SLC9A7: variants seen among roughly 807,000 people sequenced by gnomAD.
SLC9A7 encodes the protein solute carrier family 9 member A7, also known as sodium/hydrogen exchanger 7.
A neutral mutation model predicts 52.6 loss-of-function variants in SLC9A7; 19 were observed. The observed-to-expected ratio is 0.36, with a 90% CI of 0.25 to 0.53. The LOEUF is 0.53. SLC9A7 is among the 20% of genes least tolerant of loss of function. The pLI is 0.91. For missense variants in SLC9A7, 455 were observed against 597.9 expected (o/e 0.76, Z 2.49); for synonymous variants, 226 against 252.1 (o/e 0.90, Z 0.98).
At chrX:46,672,750 A>ACTT in intron 3 of SLC9A7, 123 bp from the exon 4 acceptor site, 1 of 487,595 alleles carries the variant, frequency 2.1e-6, no homozygotes, top group Non-Finnish European at 3.5e-6. Context: ...ACATCAAGTA[A>ACTT]CAACTGAAGT....
chrX:46,704,195 G>C (rs1251102278), intron 1 of SLC9A7, among the ~76,000 whole-genome samples: 4 of 110,778 alleles, frequency 3.6e-5, no homozygotes, highest in African/African-American at 1.3e-4. Flanking sequence ...TCTTTTCCCT[G>C]TGCTGTCGTT....
chrX:46,604,997 T>G lies in SLC9A7; in HGVS notation c.*1955A>C, dbSNP rs1942718282. On this transcript the variant is annotated 3_prime_UTR_variant, in exon 17 of 17. Coordinates refer to ENST00000616978, the MANE Select transcript of SLC9A7 (RefSeq NM_001257291.2). ...TTTTGTCTTCCATCATAAGAAAAAC[T>G]GGCCAGTATGGTGAAACCCCGTCTC... The G allele has an allele frequency of 9.1e-6, 1 of 110,433 alleles. No homozygotes were observed. The highest frequency in any genetic ancestry group is 3.3e-5 in the African/African-American group (1 of 30,327). The allele number at this position is 110,433 out of a possible 1,213,427, so 9.1% of individuals were successfully genotyped here. A position where few individuals can be genotyped will look rare whatever the true frequency, so the allele number is the denominator to read the frequency against.
intron 1 of SLC9A7, among the ~76,000 whole-genome samples, chrX:46,709,873 T>C (rs141264082): frequency 1.7e-3 from 191 of 112,312 alleles, no homozygotes; most frequent in African/African-American, 5.8e-3. Flanking sequence ...TGGGTGTTGA[T>C]GGCACTCTAG....
chrX:46,615,330 C>T (rs756508108), intron 15 of SLC9A7, among the ~76,000 whole-genome samples: 20 of 112,230 alleles, frequency 1.8e-4, no homozygotes, highest in African/African-American at 6.5e-4. Flanking sequence ...CGTGAGCCAA[C>T]GCGCCCGGCC....
intron 1 of SLC9A7, among the ~76,000 whole-genome samples, chrX:46,698,966 C>T (rs1944489299): frequency 9.0e-6 from 1 of 111,276 alleles, no homozygotes; most frequent in African/African-American, 3.3e-5. Flanking sequence ...AAAGAAATAA[C>T]CTGAGTCAAT....
intron 14 of SLC9A7, among the ~76,000 whole-genome samples, chrX:46,623,040 A>G (rs1943070744): frequency 8.9e-6 from 1 of 112,664 alleles, no homozygotes; most frequent in South Asian, 3.6e-4. Flanking sequence ...TGCCAGAAGC[A>G]TGATTAGGTA....
At chrX:46,716,148 A>G (rs1257004362) in intron 1 of SLC9A7, among the ~76,000 whole-genome samples, 3 of 111,180 alleles carry the variant, frequency 2.7e-5, no homozygotes, top group Non-Finnish European at 5.6e-5. Context: ...CTGAAGACTG[A>G]AGGAGTGACT....
intron 1 of SLC9A7, among the ~76,000 whole-genome samples, chrX:46,733,312 C>T (rs907333589): frequency 1.8e-5 from 2 of 111,815 alleles, no homozygotes; most frequent in African/African-American, 6.5e-5. Context: ...CTATTTGCTG[C>T]TATCCATAGC....
chrX:46,732,864 C>A (rs1335830787), intron 1 of SLC9A7, among the ~76,000 whole-genome samples: 1 of 111,719 alleles, frequency 9.0e-6, no homozygotes, highest in Non-Finnish European at 1.9e-5. Context: ...TACATCCAAA[C>A]AATAGAATAC....
chrX:46,679,861 A>G (rs948998546), intron 2 of SLC9A7, 106 bp from the exon 3 acceptor site: 1 of 513,186 alleles, frequency 1.9e-6, no homozygotes, highest in Non-Finnish European at 3.3e-6. Flanking sequence ...GAATATTTAG[A>G]GCAAACAACA....
At chrX:46,706,883 G>A (rs1944613282) in intron 1 of SLC9A7, among the ~76,000 whole-genome samples, 1 of 111,401 alleles carries the variant, frequency 9.0e-6, no homozygotes, top group African/African-American at 3.3e-5. Flanking sequence ...TGGGATTACA[G>A]GCACACACGA....
chrX:46,615,125 C>T (rs925421255), intron 15 of SLC9A7, among the ~76,000 whole-genome samples: 1 of 112,064 alleles, frequency 8.9e-6, no homozygotes, highest in Admixed American at 9.4e-5. Context: ...TCACTGCAAC[C>T]TCCGCCTCCC....
At chrX:46,613,476 C>A in intron 15 of SLC9A7, 82 bp from the exon 16 acceptor site, 1 of 675,609 alleles carries the variant, frequency 1.5e-6, no homozygotes, top group Non-Finnish European at 2.2e-6. Context: ...GCCCGACATT[C>A]CACCCACAAA....
intron 1 of SLC9A7, among the ~76,000 whole-genome samples, chrX:46,691,425 A>C (rs1226308055): frequency 8.9e-6 from 1 of 112,107 alleles, no homozygotes; most frequent in African/African-American, 3.2e-5. Flanking sequence ...AGCATAATGG[A>C]GAAGAATTTG....
Position 46,705,160 on chromosome X carries a change from G to A in SLC9A7, c.326-22625C>T, listed in dbSNP as rs5952928. ...ATGGCTGGAGCTAGCCCACACAGGG[G>A]AGAAAGGGGAAGGGTGGAGACCAAA... On this transcript the variant is annotated intron_variant, in intron 1 of 16. Coordinates refer to ENST00000616978, the MANE Select transcript of SLC9A7 (RefSeq NM_001257291.2). 6.4e-3 allele frequency among the ~76,000 whole-genome samples: 719 copies of A among 111,587 alleles called. 8 individuals are homozygous for A. Among genetic ancestry groups the A allele is most frequent in the African/African-American group, 0.021 (656 of 30,721 alleles).
chrX:46,672,701 A>G, intron 3 of SLC9A7, 74 bp from the exon 4 acceptor site: 1 of 767,189 alleles, frequency 1.3e-6, no homozygotes, highest in Non-Finnish European at 2.0e-6. Context: ...AACACATTAA[A>G]AGTCTCTAAA....
At chrX:46,611,523 C>T (rs1942848836) in intron 16 of SLC9A7, among the ~76,000 whole-genome samples, 1 of 112,620 alleles carries the variant, frequency 8.9e-6, no homozygotes, top group South Asian at 3.6e-4. Context: ...ACGCTACTGC[C>T]ACATTTGGTG....
At chrX:46,727,561 C>T (rs1028043589) in intron 1 of SLC9A7, among the ~76,000 whole-genome samples, 16 of 112,069 alleles carry the variant, frequency 1.4e-4, no homozygotes, top group African/African-American at 3.9e-4. Context: ...CCAGAGGGAT[C>T]GCAAAGCTAA....
chrX:46,684,287 C>G (rs1329787840), intron 1 of SLC9A7, among the ~76,000 whole-genome samples: 1 of 111,796 alleles, frequency 8.9e-6, no homozygotes, highest in Non-Finnish European at 1.9e-5. Flanking sequence ...TTGCTGCAAC[C>G]TCCGCCTCCC....
Sources: allele counts gnomAD v4.1 joint callset (sites outside exome capture counted in the v4.1 genomes callset), GRCh38; gene constraint gnomAD v4.1.1; transcripts MANE v1.5; gene names NCBI Gene and HGNC (gene_info 2026-07-23, HGNC 2026-07-21).